FER: variants seen among roughly 807,000 people sequenced by gnomAD.
The protein encoded by FER is tyrosine-protein kinase Fer.
Under a neutral mutation model 111.0 loss-of-function variants are expected in FER, and 63 were observed. The ratio of observed to expected loss-of-function variants is 0.57; its 90% CI spans 0.46 to 0.70. The LOEUF (loss-of-function observed/expected upper bound fraction) is 0.70. FER is among the 30% of genes least tolerant of loss of function. The pLI, the probability that FER is intolerant of heterozygous loss-of-function variation, is 0.00. For missense variants in FER, 914 were observed against 954.0 expected (o/e 0.96, Z 0.55); for synonymous variants, 327 against 313.9 (o/e 1.04, Z -0.44).
At chr5:108,905,790 T>C (rs1386024944) in intron 10 of FER, among the ~76,000 whole-genome samples, 1 of 152,186 alleles carries the variant, frequency 6.6e-6, no homozygotes, top group Non-Finnish European at 1.5e-5. Context: ...ATGAAATGAA[T>C]AGGTACAGAA....
At chr5:108,837,887 T>C (rs1332019266) in intron 5 of FER, among the ~76,000 whole-genome samples, 3 of 152,168 alleles carry the variant, frequency 2.0e-5, no homozygotes, top group Admixed American at 1.3e-4. Flanking sequence ...TTGAATCTTT[T>C]TTTAAAAATT....
chr5:108,903,246 G>A (rs911535937), intron 10 of FER, among the ~76,000 whole-genome samples: 4 of 152,118 alleles, frequency 2.6e-5, no homozygotes, highest in African/African-American at 9.7e-5. Context: ...CCTTTTGCTA[G>A]ACCAACACAC....
At chr5:109,108,883 A>C (rs1449536293) in intron 17 of FER, among the ~76,000 whole-genome samples, 1 of 152,196 alleles carries the variant, frequency 6.6e-6, no homozygotes, top group Non-Finnish European at 1.5e-5. Context: ...CTCTAGCTGG[A>C]CATTGACTCT....
At chr5:108,896,207 T>C (rs1270989393) in intron 9 of FER, among the ~76,000 whole-genome samples, 1 of 151,818 alleles carries the variant, frequency 6.6e-6, no homozygotes, top group Admixed American at 6.6e-5. Flanking sequence ...GGAAACCCTC[T>C]GGAAGCTTTA....
intron 5 of FER, among the ~76,000 whole-genome samples, chr5:108,843,448 G>A (rs1228833391): frequency 6.6e-6 from 1 of 151,492 alleles, no homozygotes; most frequent in Non-Finnish European, 1.5e-5. Context: ...CATTTAATAA[G>A]AATTTCTTTT....
intron 10 of FER, among the ~76,000 whole-genome samples, chr5:108,910,948 C>T (rs1224247807): frequency 1.3e-5 from 2 of 151,990 alleles, no homozygotes; most frequent in East Asian, 3.9e-4. Flanking sequence ...TTACAATAAA[C>T]ATATGAGTGT....
chr5:109,062,662 A>T (rs1303359977), intron 16 of FER, among the ~76,000 whole-genome samples: 2 of 152,170 alleles, frequency 1.3e-5, no homozygotes, highest in African/African-American at 4.8e-5. Context: ...TAGGAGACTT[A>T]GCACCTTAAC....
chr5:109,183,302 G>A (rs918190716), intron 18 of FER, among the ~76,000 whole-genome samples: 6 of 146,880 alleles, frequency 4.1e-5, no homozygotes, highest in African/African-American at 1.3e-4. Flanking sequence ...AGGCTGGAGC[G>A]CAGCAGCGCG....
At chr5:108,856,649 C>T (rs954078196) in intron 5 of FER, among the ~76,000 whole-genome samples, 11 of 152,160 alleles carry the variant, frequency 7.2e-5, no homozygotes, top group Non-Finnish European at 1.0e-4. Context: ...GCATCCCTCA[C>T]ATAACCTAGG....
chr5:108,871,263 T>C, intron 6 of FER, 102 bp from the exon 7 acceptor site: 1 of 930,310 alleles, frequency 1.1e-6, no homozygotes, highest in Non-Finnish European at 1.6e-6. Flanking sequence ...TCTGTACATT[T>C]CAACATTACA....
intron 16 of FER, among the ~76,000 whole-genome samples, chr5:109,089,912 C>T (rs1777973763): frequency 1.3e-5 from 2 of 152,142 alleles, no homozygotes; most frequent in African/African-American, 4.8e-5. Context: ...GTAGAAGTGG[C>T]TTCCTGTGGT....
At chr5:109,032,785 A>G (rs1384178599) in intron 13 of FER, among the ~76,000 whole-genome samples, 5 of 152,218 alleles carry the variant, frequency 3.3e-5, no homozygotes, top group Non-Finnish European at 7.3e-5. Flanking sequence ...AAAGTGCATA[A>G]TTTATATCTC....
chr5:109,066,521 T>C lies in FER; in HGVS notation c.1924+19323T>C, dbSNP rs190566675. Among the ~76,000 whole-genome samples, 184 of 152,346 alleles carry C rather than the reference T, an allele frequency of 1.2e-3. 1 individual carries two copies. Among genetic ancestry groups the C allele is most frequent in the Middle Eastern group, 3.4e-3 (1 of 294 alleles). ...AAGTTAAGTAGGATTTCTAAACTAA[T>C]GAGGCTATAATTTGATGGAGCTTTA... On this transcript the variant is annotated intron_variant, in intron 16 of 19. Transcript: ENST00000281092.
chr5:108,898,523 C>A (rs1030287267), intron 10 of FER, among the ~76,000 whole-genome samples: 1 of 145,972 alleles, frequency 6.9e-6, no homozygotes, highest in South Asian at 2.3e-4. Flanking sequence ...CTCCTTCTTC[C>A]TTCCTTTCCC....
At chr5:109,144,608 G>T (rs1246174014) in intron 17 of FER, among the ~76,000 whole-genome samples, 6 of 152,020 alleles carry the variant, frequency 3.9e-5, no homozygotes, top group Non-Finnish European at 2.9e-5. Context: ...TTGTTTTGGG[G>T]TTTTCTTTGG....
At chr5:109,036,550 A>G (rs1333419094) in intron 13 of FER, among the ~76,000 whole-genome samples, 1 of 152,098 alleles carries the variant, frequency 6.6e-6, no homozygotes. Context: ...ACACTCTAAC[A>G]TTAATAAGAA....
chr5:108,800,979 GGAGCTTGCAGT>G (rs1561439955), intron 3 of FER, among the ~76,000 whole-genome samples: 1 of 152,102 alleles, frequency 6.6e-6, no homozygotes, highest in Non-Finnish European at 1.5e-5. Context: ...CCCGGGAGGC[GGAGCTTGCAGT>G]GAGCCGAGGT....
intron 13 of FER, among the ~76,000 whole-genome samples, chr5:109,030,274 C>A (rs771231440): frequency 2.6e-5 from 4 of 152,060 alleles, no homozygotes; most frequent in Non-Finnish European, 5.9e-5. Context: ...GCTTTAAAAT[C>A]CTCGTCAGGT....
At chr5:108,896,426 T>A (rs1749106583) in intron 9 of FER, among the ~76,000 whole-genome samples, 1 of 152,220 alleles carries the variant, frequency 6.6e-6, no homozygotes, top group African/African-American at 2.4e-5. Context: ...GATCACAGAC[T>A]GTTGAATGAT....
Sources: allele counts gnomAD v4.1 joint callset (sites outside exome capture counted in the v4.1 genomes callset), GRCh38; gene constraint gnomAD v4.1.1; transcripts MANE v1.5; gene names NCBI Gene and HGNC (gene_info 2026-07-23, HGNC 2026-07-21).